The following NSG2 variants were observed in gnomAD, a reference collection of about 807,000 sequenced individuals.
NSG2 encodes the protein neuronal vesicle trafficking associated 2.
In NSG2, 4 loss-of-function variants were observed where a neutral mutation model predicts 16.9. The observed-to-expected ratio is 0.24, with a 90% CI of 0.12 to 0.54. NSG2 has a LOEUF of 0.54. Among genes scored for constraint, NSG2 ranks in the 20% least tolerant of loss-of-function variants. The pLI, the probability that NSG2 is intolerant of heterozygous loss-of-function variation, is 0.95. For synonymous variants in NSG2, 98 were observed against 88.7 expected (o/e 1.11, Z -0.59); for missense variants, 179 against 221.1 (o/e 0.81, Z 1.21).
At chr5:174,052,672 C>T (rs116674490) in intron 2 of NSG2, among the ~76,000 whole-genome samples, 3,885 of 152,258 alleles carry the variant, frequency 0.026, 86 homozygotes, top group Non-Finnish European at 0.039. Flanking sequence ...CCACAATAAC[C>T]CAGGTGTCCC....
intron 3 of NSG2, among the ~76,000 whole-genome samples, chr5:174,082,069 A>G (rs901914881): frequency 3.3e-5 from 5 of 152,202 alleles, no homozygotes; most frequent in African/African-American, 1.2e-4. Flanking sequence ...TATGTGAAGA[A>G]TTAACGTACA....
At chr5:174,054,063 A>G (rs2113422221) in intron 2 of NSG2, among the ~76,000 whole-genome samples, 1 of 152,344 alleles carries the variant, frequency 6.6e-6, no homozygotes, top group Non-Finnish European at 1.5e-5. Context: ...GAGCTCTGGC[A>G]CACGCATGTG....
At chr5:174,097,591 GTAAC>G (rs1760820579) in intron 3 of NSG2, among the ~76,000 whole-genome samples, 3 of 147,476 alleles carry the variant, frequency 2.0e-5, no homozygotes, top group African/African-American at 2.6e-5. Flanking sequence ...CTGTGTGTGT[GTAAC>G]TGTGTGTGTG....
chr5:174,090,478 C>T (rs1561673114), intron 3 of NSG2, among the ~76,000 whole-genome samples: 1 of 152,150 alleles, frequency 6.6e-6, no homozygotes, highest in African/African-American at 2.4e-5. Flanking sequence ...TCAACATAAG[C>T]CATATTGTAA....
chr5:174,083,338 T>A (rs1455522177), intron 3 of NSG2, among the ~76,000 whole-genome samples: 1 of 152,244 alleles, frequency 6.6e-6, no homozygotes, highest in Middle Eastern at 3.2e-3. Context: ...TGACATTTTC[T>A]CCATTTTAGT....
intron 2 of NSG2, among the ~76,000 whole-genome samples, chr5:174,049,149 C>T (rs1052547265): frequency 5.9e-5 from 9 of 151,988 alleles, no homozygotes; most frequent in Admixed American, 1.3e-4. Flanking sequence ...ACCATCCTGG[C>T]GAACACGGTG....
intron 3 of NSG2, among the ~76,000 whole-genome samples, chr5:174,093,348 C>T (rs10075349): frequency 0.017 from 2,593 of 152,280 alleles, 91 homozygotes; most frequent in African/African-American, 0.059. Flanking sequence ...TACCACGCCC[C>T]GCCATCCAAC....
At chr5:174,061,198 C>T (rs1452419261) in intron 2 of NSG2, among the ~76,000 whole-genome samples, 2 of 152,002 alleles carry the variant, frequency 1.3e-5, no homozygotes, top group African/African-American at 4.8e-5. Flanking sequence ...ATTGTAAATC[C>T]AAGTTTGTGA....
intron 2 of NSG2, 49 bp downstream of exon 2, chr5:174,046,933 C>G: frequency 6.3e-7 from 1 of 1,596,892 alleles, no homozygotes; most frequent in Non-Finnish European, 8.6e-7. Flanking sequence ...CCCCCCATCT[C>G]AGGAAATAAA....
Position 174,107,604 on chromosome 5 carries a change from TGGGGGC to T in NSG2, c.*110_*115del. 1 of 330,620 alleles carries T rather than the reference TGGGGGC, an allele frequency of 3.0e-6. No homozygotes were observed. The highest frequency in any genetic ancestry group is 5.4e-6 in the Non-Finnish European group (1 of 185,660). The allele number at this position is 330,620 out of a possible 1,614,324, so 20.5% of individuals were successfully genotyped here. Reference sequence around the variant, plus strand: ...AAGACAACACTGTACTCCTGGGATATGGGGGCGGGGGCGGGGCAGGGCAGGGTGGGG... The same window carrying T: ...AAGACAACACTGTACTCCTGGGATATGGGGGCGGGGCAGGGCAGGGTGGGG... On this transcript the variant is annotated 3_prime_UTR_variant, in exon 5 of 5. Transcript: ENST00000303177. The surrounding 1 kb of genome is among the most constrained non-coding windows in gnomAD (Gnocchi z 4.5).
chr5:174,093,136 A>G (rs1760745513), intron 3 of NSG2, among the ~76,000 whole-genome samples: 1 of 152,196 alleles, frequency 6.6e-6, no homozygotes, highest in African/African-American at 2.4e-5. Context: ...TGCCCCTCAC[A>G]TATGTAAGGT....
chr5:174,098,406 C>G (rs984829447), intron 3 of NSG2, among the ~76,000 whole-genome samples: 2 of 151,266 alleles, frequency 1.3e-5, no homozygotes, highest in South Asian at 4.2e-4. Flanking sequence ...GGGGCTGGAC[C>G]CTGCTTTCCT....
chr5:174,064,133 A>T, intron 2 of NSG2, 99 bp from the exon 3 acceptor site: 1 of 781,284 alleles, frequency 1.3e-6, no homozygotes, highest in Non-Finnish European at 2.0e-6. Context: ...TATTTTTTTG[A>T]TCTTTATGTC....
At chr5:174,059,444 G>T (rs1240220490) in intron 2 of NSG2, among the ~76,000 whole-genome samples, 1 of 152,134 alleles carries the variant, frequency 6.6e-6, no homozygotes, top group African/African-American at 2.4e-5. Flanking sequence ...CTGACTTTTT[G>T]CTGACACCTA....
chr5:174,060,010 A>G (rs1394861545), intron 2 of NSG2, among the ~76,000 whole-genome samples: 1 of 152,206 alleles, frequency 6.6e-6, no homozygotes, highest in African/African-American at 2.4e-5. Flanking sequence ...CATCACTGTC[A>G]CTAAGGAAGT....
chr5:174,076,471 A>C (rs1760345433), intron 3 of NSG2, among the ~76,000 whole-genome samples: 1 of 152,216 alleles, frequency 6.6e-6, no homozygotes, highest in Non-Finnish European at 1.5e-5. Flanking sequence ...AAAAAGCTAA[A>C]TATAAATGAA....
chr5:174,085,744 G>A (rs1252094735), intron 3 of NSG2, among the ~76,000 whole-genome samples: 1 of 152,184 alleles, frequency 6.6e-6, no homozygotes, highest in Non-Finnish European at 1.5e-5. Flanking sequence ...TGATTGACAA[G>A]TTTGCGGATG....
rs2113485818 is a variant in NSG2, at chr5:174,109,051, G to A, written c.*1546G>A. The stretch of plus-strand genomic sequence containing the variant: ...AAAGCGGAATAACAAGTTGTCCCTA[G>A]CAAAACCGCTGAGCGCTTTATAATT... On this transcript the variant is annotated 3_prime_UTR_variant, in exon 5 of 5. Transcript: ENST00000303177. The A allele has an allele frequency of 6.5e-6, 1 of 152,898 alleles. No individual in the cohort carries two copies. The highest frequency in any genetic ancestry group is 6.5e-5 in the Admixed American group (1 of 15,306). 9.5% of individuals were successfully genotyped at this position (152,898 alleles called of 1,614,324 possible).
At chr5:174,068,897 A>ATGGAAGGTGCTGGTGCTG (rs1760190277) in intron 3 of NSG2, among the ~76,000 whole-genome samples, 1 of 126,602 alleles carries the variant, frequency 7.9e-6, no homozygotes, top group Non-Finnish European at 1.7e-5. Flanking sequence ...TCCTGGTGCT[A>ATGGAAGGTGCTGGTGCTG]TGGAAGGTGC....
Sources: allele counts gnomAD v4.1 joint callset (sites outside exome capture counted in the v4.1 genomes callset), GRCh38; gene constraint gnomAD v4.1.1; non-coding constraint Gnocchi (gnomAD v3.1); transcripts MANE v1.5; gene names NCBI Gene and HGNC (gene_info 2026-07-23, HGNC 2026-07-21).